The following ADCY1 variants were observed in gnomAD, a reference collection of about 807,000 sequenced individuals.
ADCY1 encodes the protein adenylate cyclase type 1.
Under a neutral mutation model 105.4 loss-of-function variants are expected in ADCY1, and 28 were observed. That is an observed-to-expected ratio of 0.27 (90% CI 0.20 to 0.36). The LOEUF is 0.36. Ranked by LOEUF, ADCY1 falls within the 10% of genes least tolerant of loss-of-function variation. ADCY1 has a pLI of 1.00. For missense variants in ADCY1, 977 were observed against 1,434.2 expected (o/e 0.68, Z 5.15); for synonymous variants, 655 against 623.8 (o/e 1.05, Z -0.75).
Position 45,714,008 on chromosome 7 carries a change from G to A in ADCY1, c.*13G>A, listed in dbSNP as rs140515195. The A allele has an allele frequency of 6.3e-4, 485 of 763,900 alleles. 2 individuals carry two copies. The African/African-American group carries it at 6.6e-3, about 10-fold the overall frequency. 47.3% of individuals were successfully genotyped at this position (763,900 alleles called of 1,614,324 possible). ...GAAGGAGGCTTAGTGGAGCCCACGT[G>A]GGCCTCTGGGGTGCACATGGGGTGG... On this transcript the variant is annotated 3_prime_UTR_variant, in exon 20 of 20. Transcript: ENST00000297323.
intron 1 of ADCY1, among the ~76,000 whole-genome samples, chr7:45,577,675 G>T (rs981765200): frequency 6.6e-6 from 1 of 152,214 alleles, no homozygotes; most frequent in Non-Finnish European, 1.5e-5. Flanking sequence ...CAAAGAGGAT[G>T]AAAAATGGAG....
At chr7:45,658,842 G>A (rs370287646) in intron 6 of ADCY1, among the ~76,000 whole-genome samples, 3 of 152,222 alleles carry the variant, frequency 2.0e-5, no homozygotes, top group Non-Finnish European at 4.4e-5. Context: ...GCCCCTCCGG[G>A]GGGGCAGGAA....
rs1795125418 is a variant in ADCY1, at chr7:45,662,283, A to G, written c.1605+69A>G. On this transcript the variant is annotated intron_variant, in intron 8 of 19. Transcript: ENST00000297323. ...CTGATCTCTGTCCTGCCCTCCCAAT[A>G]TGGCCCCCGTGCCATTTGGCTAGAT... 1.3e-5 allele frequency: 19 copies of G among 1,512,106 alleles called. No homozygotes were observed. The South Asian group carries it at 2.0e-4, about 16-fold the overall frequency. The allele number at this position is 1,512,106 out of a possible 1,614,324, so 93.7% of individuals were successfully genotyped here.
intron 3 of ADCY1, among the ~76,000 whole-genome samples, chr7:45,618,403 G>T (rs1793799049): frequency 6.6e-6 from 1 of 152,126 alleles, no homozygotes. Context: ...AAAAATTTCT[G>T]CACAACAAAG....
intron 1 of ADCY1, among the ~76,000 whole-genome samples, chr7:45,579,944 G>A (rs995938531): frequency 1.1e-4 from 12 of 112,772 alleles, no homozygotes; most frequent in African/African-American, 1.3e-4. Context: ...AAACTGCCCC[G>A]TCCCCCCCTT....
intron 14 of ADCY1, among the ~76,000 whole-genome samples, chr7:45,694,766 C>T (rs780327335): frequency 9.9e-5 from 15 of 152,260 alleles, no homozygotes; most frequent in African/African-American, 3.1e-4. Flanking sequence ...TAATTTTGTC[C>T]GCTCCTGAGG....
At chr7:45,709,203 A>G (rs1263225583) in intron 18 of ADCY1, among the ~76,000 whole-genome samples, 3 of 152,184 alleles carry the variant, frequency 2.0e-5, no homozygotes, top group Non-Finnish European at 2.9e-5. Flanking sequence ...GGCTTTAGGC[A>G]TGGTGTCTGG....
chr7:45,670,746 C>T (rs988029428), intron 8 of ADCY1, among the ~76,000 whole-genome samples: 2 of 151,990 alleles, frequency 1.3e-5, no homozygotes, highest in Non-Finnish European at 2.9e-5. Context: ...GAAGGGTGAA[C>T]CTGTGTCCTT....
At chr7:45,685,535 C>T (rs897981752) in intron 12 of ADCY1, among the ~76,000 whole-genome samples, 1 of 149,564 alleles carries the variant, frequency 6.7e-6, no homozygotes, top group Non-Finnish European at 1.5e-5. Flanking sequence ...GAGCTGGGGG[C>T]AGGAGGAACA....
chr7:45,636,844 T>G (rs1332810325), intron 4 of ADCY1, among the ~76,000 whole-genome samples: 1 of 152,216 alleles, frequency 6.6e-6, no homozygotes, highest in Non-Finnish European at 1.5e-5. Context: ...CCCAGCCTGT[T>G]TGTGTCTCTT....
chr7:45,659,868 C>T (rs539219845), intron 6 of ADCY1, among the ~76,000 whole-genome samples, 174 bp from the exon 7 acceptor site: 5 of 152,300 alleles, frequency 3.3e-5, no homozygotes. Flanking sequence ...CTGTATCTGC[C>T]TGGGCCCTCC....
intron 2 of ADCY1, among the ~76,000 whole-genome samples, chr7:45,605,337 A>G (rs1173179454): frequency 6.6e-6 from 1 of 152,086 alleles, no homozygotes; most frequent in Non-Finnish European, 1.5e-5. Flanking sequence ...TTCTGAACTT[A>G]CTGCACTAAT....
chr7:45,622,962 C>T (rs1793940139), intron 4 of ADCY1, among the ~76,000 whole-genome samples: 1 of 152,232 alleles, frequency 6.6e-6, no homozygotes, highest in Non-Finnish European at 1.5e-5. Flanking sequence ...AATGCTTGCA[C>T]AAGCATGGCC....
At chr7:45,612,803 G>T (rs1793625833) in intron 3 of ADCY1, among the ~76,000 whole-genome samples, 1 of 152,170 alleles carries the variant, frequency 6.6e-6, no homozygotes, top group Admixed American at 6.5e-5. Context: ...GTACAGTCTG[G>T]CCAGGAGAGA....
At chr7:45,665,364 C>T (rs1784211222) in intron 8 of ADCY1, among the ~76,000 whole-genome samples, 2 of 152,190 alleles carry the variant, frequency 1.3e-5, no homozygotes, top group Admixed American at 1.3e-4. Context: ...ACGCTCATCG[C>T]CCACTGGGCC....
rs150378912 is a variant in ADCY1 at position 45,655,686 on chromosome 7, G to A, written c.1149-2041G>A. Among the ~76,000 whole-genome samples, 172 of 152,296 alleles carry A rather than the reference G, an allele frequency of 1.1e-3. 1 individual carries two copies. The highest frequency in any genetic ancestry group is 3.8e-3 in the African/African-American group (158 of 41,564). ...GAGAGTATTGGTAGAACATGGTGGCGTGGATTTGGTTGGAGGCTGGTCGAG... is the reference window on the plus strand; with the variant it reads ...GAGAGTATTGGTAGAACATGGTGGCATGGATTTGGTTGGAGGCTGGTCGAG... On this transcript the variant is annotated intron_variant, in intron 5 of 19. Transcript: ENST00000297323.
At chr7:45,590,082 A>G (rs1792863760) in intron 1 of ADCY1, among the ~76,000 whole-genome samples, 2 of 152,154 alleles carry the variant, frequency 1.3e-5, no homozygotes, top group Admixed American at 1.3e-4. Context: ...GCACCTCCAT[A>G]TAGTGCAGAG....
At position 45,642,843 on chromosome 7, in the gene ADCY1, T is replaced by G. The variant is rs555933693; in HGVS notation, c.1021-5827T>G. Among the ~76,000 whole-genome samples the G allele has an allele frequency of 3.9e-5, 6 of 152,162 alleles. No individual in the cohort carries two copies. In the South Asian group the frequency reaches 1.0e-3, roughly 26 times the overall value. On this transcript the variant is annotated intron_variant, in intron 4 of 19. Coordinates refer to ENST00000297323, the MANE Select transcript of ADCY1 (RefSeq NM_021116.4). ...TGCATTTGACTTTGCAAGGTGGAGG[T>G]TTTTAATTCCCTAATTTCTTCAGCA...
At position 45,614,398 on chromosome 7, in the gene ADCY1, A is replaced by T. The variant is rs79075239; in HGVS notation, c.908+3901A>T. Reference sequence around the variant, plus strand: ...AAAAATGGCTATAGAAACTACACAAAGGAGAAAGAAAAAGGAATCAAAGCA... The same window carrying T: ...AAAAATGGCTATAGAAACTACACAATGGAGAAAGAAAAAGGAATCAAAGCA... On this transcript the variant is annotated intron_variant, in intron 3 of 19. Coordinates refer to ENST00000297323, the MANE Select transcript of ADCY1 (RefSeq NM_021116.4). 8.1e-3 allele frequency among the ~76,000 whole-genome samples: 1,228 copies of T among 152,338 alleles called. 70 individuals are homozygous for T. The East Asian group carries it at 0.13, about 16-fold the overall frequency.
Sources: gnomAD v4.1 joint callset for allele counts (sites outside exome capture counted in the v4.1 genomes callset) on GRCh38, gnomAD v4.1.1 for gene constraint, MANE v1.5 for transcripts, NCBI Gene and HGNC (gene_info 2026-07-23, HGNC 2026-07-21) for gene names.